AAR2: variants seen among roughly 807,000 people sequenced by gnomAD.
The protein encoded by AAR2 is AAR2 splicing factor.
A neutral mutation model predicts 26.9 loss-of-function variants in AAR2; 31 were observed. That is an observed-to-expected ratio of 1.15 (90% confidence interval 0.86 to 1.55). AAR2 has a LOEUF of 1.55. Among genes scored for constraint, AAR2 ranks in the 40% most tolerant of loss-of-function variants. The pLI, the probability that AAR2 is intolerant of heterozygous loss-of-function variation, is 0.00. For missense variants in AAR2, 430 were observed against 491.3 expected, an observed-to-expected ratio of 0.88 and a Z score of 1.18; for synonymous variants, 188 against 196.1, an observed-to-expected ratio of 0.96 and a Z score of 0.34.
Position 36,244,918 on chromosome 20 carries a change from A to G in AAR2, c.979A>G (p.Thr327Ala). The change falls in exon 3 of 4, where the codon ACC (threonine) becomes GCC (alanine). Residue 327 changes from threonine to alanine, a missense_variant. Coordinates refer to ENST00000320849, the MANE Select transcript of AAR2 (RefSeq NM_001271874.2). ...IVSQDNFLTSTLQVFFSSACS... is the reference protein window; with the variant it reads ...IVSQDNFLTSALQVFFSSACS... Reference sequence around the variant, plus strand: ...CTCCCAAGACAACTTCCTCACCAGCACCTTACAGGTGAGCAGTCTTTCTGA... The same window carrying G: ...CTCCCAAGACAACTTCCTCACCAGCGCCTTACAGGTGAGCAGTCTTTCTGA... 1 of 1,613,566 alleles carries G rather than the reference A, an allele frequency of 6.2e-7. No individual in the cohort carries two copies.
At chr20:36,248,720 C>G (rs975490179) in intron 3 of AAR2, among the ~76,000 whole-genome samples, 1 of 152,026 alleles carries the variant, frequency 6.6e-6, no homozygotes. Flanking sequence ...ACAGTGGAGT[C>G]TGATCAAAGG....
At position 36,240,472 on chromosome 20, in the gene AAR2, G is replaced by T. The variant is rs747959052; in HGVS notation, c.604G>T (p.Ala202Ser). Residue 202 changes from alanine to serine, a missense_variant, in exon 2 of 4, where the codon GCC becomes TCC. Ala to Ser is a moderately conservative substitution (Grantham distance 99). Transcript: ENST00000320849. Reference sequence around the variant, plus strand: ...CCGGCTACCAGAGATGAAGCCCAGAGCCGGGACAGAGATCCGCTTCTCAGA... The same window carrying T: ...CCGGCTACCAGAGATGAAGCCCAGATCCGGGACAGAGATCCGCTTCTCAGA... ...LARLPEMKPR[A>S]GTEIRFSELP... is the part of the protein sequence containing the mutation. 6 of 1,614,196 alleles carry T rather than the reference G, an allele frequency of 3.7e-6. No homozygotes were observed. The highest frequency in any genetic ancestry group is 5.1e-6 in the Non-Finnish European group (6 of 1,180,042).
intron 3 of AAR2, 26 bp downstream of exon 3, chr20:36,244,952 A>T: frequency 6.3e-7 from 1 of 1,584,692 alleles, no homozygotes; most frequent in Middle Eastern, 1.7e-4. Flanking sequence ...GACTGAGCTG[A>T]TGCACATGTG....
intron 2 of AAR2, among the ~76,000 whole-genome samples, chr20:36,244,020 G>T (rs1396029114): frequency 6.6e-6 from 1 of 152,232 alleles, no homozygotes; most frequent in Non-Finnish European, 1.5e-5. Flanking sequence ...TTTGTGGGAG[G>T]TTCCAGAACT....
chr20:36,249,752 A>G (rs1052200181), intron 3 of AAR2, among the ~76,000 whole-genome samples: 1 of 152,240 alleles, frequency 6.6e-6, no homozygotes, highest in Non-Finnish European at 1.5e-5. Flanking sequence ...GGAAGGTCAC[A>G]TAATTTGCTC....
chr20:36,255,619 C>T lies in AAR2; in HGVS notation c.1029C>T (p.Thr343=). Residue 343 remains threonine, a synonymous_variant, in exon 4 of 4, where the codon ACC becomes ACT. Transcript: ENST00000320849. ...SSACSIAVDA[T]LRKKAEKFQA... is the part of the protein sequence containing the mutation. ...CCTGCAGCATTGCCGTGGATGCCAC[C>T]CTGAGAAAGAAAGCTGAAAAGTTCC... 6.2e-7 allele frequency: 1 copy of T among 1,614,174 alleles called. No individual in the cohort carries two copies. The highest frequency in any genetic ancestry group is 8.5e-7 in the Non-Finnish European group (1 of 1,180,038).
intron 3 of AAR2, among the ~76,000 whole-genome samples, chr20:36,255,033 C>T (rs6060873): frequency 0.028 from 4,262 of 152,190 alleles, 156 homozygotes; most frequent in African/African-American, 0.084. Flanking sequence ...ATCATAAAGT[C>T]GAAGTGTCAT....
intron 3 of AAR2, among the ~76,000 whole-genome samples, chr20:36,245,164 T>C (rs2064722441): frequency 6.6e-6 from 1 of 152,126 alleles, no homozygotes; most frequent in African/African-American, 2.4e-5. Context: ...AACACTGGGG[T>C]ACTTGGATTT....
intron 1 of AAR2, 132 bp downstream of exon 1, chr20:36,236,635 C>G (rs2064609020): frequency 6.6e-6 from 1 of 152,238 alleles, no homozygotes; most frequent in Non-Finnish European, 1.5e-5. Context: ...GGCTGGTTCT[C>G]TGTTTGTGGG....
intron 3 of AAR2, 78 bp from the exon 4 acceptor site, chr20:36,255,500 C>T: frequency 1.9e-6 from 3 of 1,543,330 alleles, no homozygotes; most frequent in Non-Finnish European, 2.7e-6. Flanking sequence ...GAGCCGAACA[C>T]CATGAGGAAA....
rs2064661704 is a variant in AAR2 at position 36,240,142 on chromosome 20, A to G, written c.274A>G (p.Ser92Gly). The G allele has an allele frequency of 6.2e-7, 1 of 1,614,170 alleles. No homozygotes were observed. The highest frequency in any genetic ancestry group is 8.5e-7 in the Non-Finnish European group (1 of 1,180,034). Reference sequence around the variant, plus strand: ...GCGGGGGCTGACAGTGCTGCGCTGGAGCACACTCAGGGAAGAGGTAGACCT... The same window carrying G: ...GCGGGGGCTGACAGTGCTGCGCTGGGGCACACTCAGGGAAGAGGTAGACCT... ...HQRGLTVLRW[S>G]TLREEVDLSP... The change falls in exon 2 of 4, where the codon AGC becomes GGC. Residue 92 changes from serine (S) to glycine (G), a missense_variant. Transcript: ENST00000320849.
chr20:36,244,703 TC>T lies in AAR2; in HGVS notation c.766del (p.Gln256SerfsTer23), dbSNP rs770205897. ...TCCTCTCTGCACCTTTCAGGTGAAC[TC>T]CAGTTTGCTTTTGTGTGCTTCCTGC... ...PSSPQDVLGELQFAFVCFLLG... is the reference protein window; with the variant it reads ...PSSPQDVLGEXQFAFVCFLLG... On this transcript the variant is annotated frameshift_variant, in exon 3 of 4. Coordinates refer to ENST00000320849, the MANE Select transcript of AAR2 (RefSeq NM_001271874.2). LOFTEE classifies it high-confidence loss of function. The T allele has an allele frequency of 1.9e-6, 3 of 1,614,032 alleles. No homozygotes were observed. Among genetic ancestry groups the T allele is most frequent in the Non-Finnish European group, 2.5e-6 (3 of 1,180,028 alleles).
chr20:36,240,546 C>T lies in AAR2; in HGVS notation c.678C>T (p.Thr226=). The T allele has an allele frequency of 6.2e-7, 1 of 1,613,864 alleles. No individual in the cohort carries two copies. Among genetic ancestry groups the T allele is most frequent in the Admixed American group, 1.7e-5 (1 of 60,020 alleles). ...AGGGTGCCACGCCAGCTGAGATAAC[C>T]AAGCACAGCATGGACCTGAGCTATG... ...FPEGATPAEI[T]KHSMDLSYAL... Residue 226 remains threonine (T), a synonymous_variant, in exon 2 of 4, where the codon ACC becomes ACT. Transcript: ENST00000320849.
chr20:36,245,372 G>T (rs549942758), intron 3 of AAR2, among the ~76,000 whole-genome samples: 1 of 152,342 alleles, frequency 6.6e-6, no homozygotes, highest in East Asian at 1.9e-4. Context: ...AGTTTCTGCA[G>T]AGATTCTATG....
At chr20:36,247,879 T>A (rs565909326) in intron 3 of AAR2, among the ~76,000 whole-genome samples, 3 of 148,472 alleles carry the variant, frequency 2.0e-5, no homozygotes, top group Non-Finnish European at 4.4e-5. Flanking sequence ...CAAAAAAAAA[T>A]AATAAAAATA....
chr20:36,252,361 A>C (rs2064786778), intron 3 of AAR2, among the ~76,000 whole-genome samples: 1 of 152,140 alleles, frequency 6.6e-6, no homozygotes, highest in Non-Finnish European at 1.5e-5. Context: ...CGCTGTGCCG[A>C]GAGTGGAGCA....
rs373127299 is a variant in AAR2, at chr20:36,240,302, T to C, written c.434T>C (p.Val145Ala). 27 of 1,614,136 alleles carry C rather than the reference T, an allele frequency of 1.7e-5. No individual in the cohort carries two copies. The African/African-American group carries it at 2.1e-4, about 13-fold the overall frequency. ...ACCAACTTCATCAGCGAAGCCACAG[T>C]GGAGAAGCTACAGCCCGAGAATCGA... ...SLTNFISEAT[V>A]EKLQPENRQI... Residue 145 changes from valine to alanine, a missense_variant, in exon 2 of 4, where the codon GTG (valine) becomes GCG (alanine). Transcript: ENST00000320849.
At chr20:36,243,558 C>T (rs1324863385) in intron 2 of AAR2, among the ~76,000 whole-genome samples, 3 of 152,132 alleles carry the variant, frequency 2.0e-5, no homozygotes, top group Non-Finnish European at 4.4e-5. Context: ...TTTCCAGCCA[C>T]CTTTGAAGTA....
intron 3 of AAR2, among the ~76,000 whole-genome samples, chr20:36,255,152 A>G (rs1021824480): frequency 1.3e-5 from 2 of 152,200 alleles, no homozygotes; most frequent in African/African-American, 4.8e-5. Flanking sequence ...CCTGTGGCCC[A>G]TTTAGAAGAT....
Sources: allele counts gnomAD v4.1 joint callset (sites outside exome capture counted in the v4.1 genomes callset), GRCh38; gene constraint gnomAD v4.1.1; transcripts MANE v1.5; gene names NCBI Gene and HGNC (gene_info 2026-07-23, HGNC 2026-07-21).